The following GAS2 variants were observed in gnomAD, a reference collection of about 807,000 sequenced individuals.
GAS2 encodes the protein growth arrest-specific protein 2.
In GAS2, 20 loss-of-function variants were observed where a neutral mutation model predicts 37.5. The observed-to-expected ratio is 0.53, with a 90% CI of 0.37 to 0.77. GAS2 has a LOEUF of 0.77. Among genes scored for constraint, GAS2 ranks in the 30% least tolerant of loss-of-function variants. The pLI, the probability that GAS2 is intolerant of heterozygous loss-of-function variation, is 0.00. For missense variants in GAS2, 336 were observed against 373.4 expected, an observed-to-expected ratio of 0.90 and a Z score of 0.82; for synonymous variants, 144 against 132.2, an observed-to-expected ratio of 1.09 and a Z score of -0.61.
intron 3 of GAS2, among the ~76,000 whole-genome samples, chr11:22,725,210 T>G (rs1852142699): frequency 1.3e-5 from 2 of 152,052 alleles, no homozygotes; most frequent in African/African-American, 4.8e-5. Flanking sequence ...CCAAGGGAGA[T>G]TTCCTGCTTA....
At chr11:22,737,575 C>T in intron 4 of GAS2, 130 bp from the exon 5 acceptor site, 1 of 819,888 alleles carries the variant, frequency 1.2e-6, no homozygotes, top group Non-Finnish European at 2.1e-6. Context: ...GGGATGGGTT[C>T]TATGACTGTC....
intron 4 of GAS2, among the ~76,000 whole-genome samples, chr11:22,730,636 T>G (rs1204976421): frequency 6.6e-6 from 1 of 151,706 alleles, no homozygotes; most frequent in Non-Finnish European, 1.5e-5. Context: ...ATATTTAGGA[T>G]TGTGCTTTAA....
At chr11:22,650,427 A>G (rs1273226500) in intron 1 of GAS2, among the ~76,000 whole-genome samples, 3 of 152,000 alleles carry the variant, frequency 2.0e-5, no homozygotes, top group African/African-American at 7.3e-5. Context: ...GTAGATGTCT[A>G]TTAGGTCCGT....
intron 1 of GAS2, among the ~76,000 whole-genome samples, chr11:22,642,470 T>A (rs372151962): frequency 7.2e-5 from 11 of 152,314 alleles, no homozygotes; most frequent in Non-Finnish European, 2.9e-5. Flanking sequence ...TAGCAGAACA[T>A]TGACTCAGTA....
At chr11:22,758,908 C>T (rs67808088) in intron 7 of GAS2, among the ~76,000 whole-genome samples, 90,954 of 116,370 alleles carry the variant, frequency 0.78, 34,015 homozygotes, top group Non-Finnish European at 0.85. Context: ...AGCAAAACTC[C>T]GTCTCAAAAA....
Position 22,682,368 on chromosome 11 carries a change from G to A in GAS2, c.146-3300G>A, listed in dbSNP as rs186988939. Among the ~76,000 whole-genome samples the A allele has an allele frequency of 5.3e-5, 8 of 151,950 alleles. 1 individual carries two copies. In the East Asian group the frequency reaches 1.5e-3, roughly 29 times the overall value. On this transcript the variant is annotated intron_variant, in intron 2 of 7. Transcript: ENST00000454584. Reference sequence around the variant, plus strand: ...ATCTTATAACTTAAAATTATGAATGGAATCTTCAAATTGCCATAGAACTTA... The same window carrying A: ...ATCTTATAACTTAAAATTATGAATGAAATCTTCAAATTGCCATAGAACTTA...
chr11:22,667,323 T>C (rs1214624759), intron 1 of GAS2: 7 of 152,060 alleles, frequency 4.6e-5, no homozygotes, highest in Non-Finnish European at 1.0e-4. Flanking sequence ...GCATTGTCTG[T>C]TATGGTGGGG....
chr11:22,660,043 G>A (rs1236210464), intron 1 of GAS2, among the ~76,000 whole-genome samples: 1 of 152,130 alleles, frequency 6.6e-6, no homozygotes. Flanking sequence ...TCAGACTCAG[G>A]CATGAGTTTA....
At chr11:22,689,139 C>T (rs181864255) in intron 3 of GAS2, among the ~76,000 whole-genome samples, 95 of 152,116 alleles carry the variant, frequency 6.2e-4, no homozygotes, top group South Asian at 5.2e-3. Context: ...GCAGGAAGGG[C>T]GGCAAGAGGG....
chr11:22,703,499 T>C (rs1269113369), intron 3 of GAS2, among the ~76,000 whole-genome samples: 1 of 152,200 alleles, frequency 6.6e-6, no homozygotes, highest in Non-Finnish European at 1.5e-5. Flanking sequence ...ATGTATGCTA[T>C]TTCTTAAAGG....
intron 7 of GAS2, among the ~76,000 whole-genome samples, chr11:22,784,762 G>C (rs1855745487): frequency 6.6e-6 from 1 of 152,096 alleles, no homozygotes; most frequent in Non-Finnish European, 1.5e-5. Flanking sequence ...TAAATCCTCT[G>C]TGTATCTTCC....
upstream of GAS2, among the ~76,000 whole-genome samples, chr11:22,665,662 T>G (rs928709310): frequency 3.3e-5 from 5 of 152,234 alleles, no homozygotes; most frequent in Non-Finnish European, 5.9e-5. Flanking sequence ...TCCAAACTTT[T>G]CAATCGGTTT....
At chr11:22,755,029 T>A (rs761512478) in intron 6 of GAS2, among the ~76,000 whole-genome samples, 4 of 152,128 alleles carry the variant, frequency 2.6e-5, no homozygotes, top group Non-Finnish European at 4.4e-5. Flanking sequence ...GAGTGGGTGG[T>A]TCCCCATCAG....
intron 6 of GAS2, among the ~76,000 whole-genome samples, chr11:22,753,101 G>A (rs533830214): frequency 3.3e-5 from 5 of 152,164 alleles, no homozygotes; most frequent in African/African-American, 1.2e-4. Flanking sequence ...TCAGTCTGGG[G>A]ATGAGAGATA....
chr11:22,651,171 C>T (rs922558069), intron 1 of GAS2, among the ~76,000 whole-genome samples: 8 of 151,168 alleles, frequency 5.3e-5, no homozygotes, highest in African/African-American at 1.9e-4. Context: ...TTCTCCTTCA[C>T]TTATGAAGCT....
intron 1 of GAS2, among the ~76,000 whole-genome samples, chr11:22,655,379 CA>C (rs201392308): frequency 0.012 from 1,833 of 152,276 alleles, 49 homozygotes; most frequent in African/African-American, 0.042. Context: ...CTGTCTAACT[CA>C]TCTTGTATTC....
chr11:22,700,933 A>AT (rs548814047), intron 3 of GAS2, among the ~76,000 whole-genome samples: 6 of 152,116 alleles, frequency 3.9e-5, no homozygotes, highest in Non-Finnish European at 7.4e-5. Flanking sequence ...AGATGAAATC[A>AT]TTTTTTTTCT....
intron 7 of GAS2, among the ~76,000 whole-genome samples, chr11:22,809,302 A>G (rs1857032112): frequency 6.6e-6 from 1 of 152,126 alleles, no homozygotes; most frequent in East Asian, 1.9e-4. Flanking sequence ...ATAATGGGGA[A>G]GGAATGTAGC....
intron 7 of GAS2, among the ~76,000 whole-genome samples, chr11:22,795,202 T>C (rs1046831311): frequency 6.6e-6 from 1 of 152,184 alleles, no homozygotes; most frequent in Non-Finnish European, 1.5e-5. Flanking sequence ...TTGTAAAGGA[T>C]ATACTTATAC....
Sources: gnomAD v4.1 joint callset for allele counts (sites outside exome capture counted in the v4.1 genomes callset) on GRCh38, gnomAD v4.1.1 for gene constraint, MANE v1.5 for transcripts, NCBI Gene and HGNC (gene_info 2026-07-23, HGNC 2026-07-21) for gene names.